Variants in UBE3C observed in about 807,000 individuals in gnomAD.
UBE3C encodes the protein ubiquitin-protein ligase E3C.
Under a neutral mutation model 129.4 loss-of-function variants are expected in UBE3C, and 42 were observed. The observed-to-expected ratio is 0.32, with a 90% CI of 0.25 to 0.42. The LOEUF (loss-of-function observed/expected upper bound fraction) is 0.42, where lower values mean the gene tolerates loss of function less well. UBE3C is among the 10% of genes least tolerant of loss of function. UBE3C has a pLI of 1.00. For missense variants in UBE3C, 1,049 were observed against 1,319.1 expected (o/e 0.80, Z 3.17); for synonymous variants, 510 against 492.4 (o/e 1.04, Z -0.47).
chr7:157,139,573 G>T (rs1055772064), intron 1 of UBE3C, among the ~76,000 whole-genome samples: 4 of 152,214 alleles, frequency 2.6e-5, no homozygotes, highest in Admixed American at 2.6e-4. Flanking sequence ...TGGGGCTTAG[G>T]ACTGGACTCG....
chr7:157,223,447 C>A, intron 16 of UBE3C, 96 bp downstream of exon 16: 1 of 1,057,946 alleles, frequency 9.5e-7, no homozygotes, highest in Non-Finnish European at 1.4e-6. Context: ...GTGCCTAGTG[C>A]CTGGCTGATT....
intron 10 of UBE3C, chr7:157,192,329 C>T: frequency 1.8e-6 from 1 of 545,050 alleles, no homozygotes; most frequent in South Asian, 1.7e-5. Context: ...GAAGGGGCTT[C>T]CTTTTCGATC....
chr7:157,215,292 G>T (rs1795524595), intron 13 of UBE3C, among the ~76,000 whole-genome samples: 1 of 151,364 alleles, frequency 6.6e-6, no homozygotes, highest in African/African-American at 2.4e-5. Context: ...CTTTTTTCTT[G>T]GGCACACAGA....
intron 1 of UBE3C, among the ~76,000 whole-genome samples, chr7:157,163,550 C>G (rs1458459649): frequency 6.6e-6 from 1 of 152,154 alleles, no homozygotes; most frequent in Non-Finnish European, 1.5e-5. Context: ...CCAGTTTTAC[C>G]TGTACTCATT....
chr7:157,265,875 T>C (rs892915407), intron 22 of UBE3C, among the ~76,000 whole-genome samples: 2 of 152,202 alleles, frequency 1.3e-5, no homozygotes, highest in African/African-American at 4.8e-5. Context: ...CATGAACACA[T>C]CTGAAAAACA....
intron 18 of UBE3C, among the ~76,000 whole-genome samples, chr7:157,240,196 G>C (rs796648831): frequency 6.6e-5 from 10 of 152,068 alleles, no homozygotes; most frequent in African/African-American, 2.4e-4. Flanking sequence ...CTGGGACTAC[G>C]GACACCCACC....
intron 2 of UBE3C, among the ~76,000 whole-genome samples, chr7:157,165,724 G>T (rs544007393): frequency 6.6e-6 from 1 of 151,978 alleles, no homozygotes; most frequent in Non-Finnish European, 1.5e-5. Flanking sequence ...CATTGACTTC[G>T]TAATTTCAGT....
At chr7:157,219,319 C>G (rs1586697872) in intron 14 of UBE3C, among the ~76,000 whole-genome samples, 1 of 152,180 alleles carries the variant, frequency 6.6e-6, no homozygotes, top group African/African-American at 2.4e-5. Flanking sequence ...GCACAAGTCC[C>G]TTATCTCATC....
chr7:157,248,291 C>T (rs964051824), intron 18 of UBE3C, 77 bp from the exon 19 acceptor site: 1 of 1,322,718 alleles, frequency 7.6e-7, no homozygotes, highest in Admixed American at 2.0e-5. Context: ...GGTTTAATAT[C>T]AAGTTGAGCA....
intron 17 of UBE3C, among the ~76,000 whole-genome samples, chr7:157,228,300 C>CA (rs1795933080): frequency 6.6e-6 from 1 of 152,214 alleles, no homozygotes; most frequent in African/African-American, 2.4e-5. Flanking sequence ...CACGCACTCC[C>CA]AGCCTGCACT....
Position 157,174,938 on chromosome 7 carries a change from TA to T in UBE3C, c.364del (p.Ile122LeufsTer23). ...TTTCAGATATGGCTGTATCAGAACT[TA>T]ATTAAACACAGCTCTCTGTTTGTCA... is the stretch of plus-strand genomic sequence containing the variant. The part of the protein sequence containing the change: ...SKRLIWLYQN[L>X]IKHSSLFVKQ... On this transcript the variant is annotated frameshift_variant, in exon 5 of 23. Transcript: ENST00000348165. LOFTEE classifies it high-confidence loss of function. 6.2e-7 allele frequency: 1 copy of T among 1,611,386 alleles called. No individual in the cohort carries two copies. Among genetic ancestry groups the T allele is most frequent in the Non-Finnish European group, 8.5e-7 (1 of 1,178,968 alleles).
At chr7:157,217,050 C>T in intron 14 of UBE3C, 79 bp downstream of exon 14, 1 of 1,160,672 alleles carries the variant, frequency 8.6e-7, no homozygotes, top group South Asian at 1.4e-5. Flanking sequence ...AAGAATTAAG[C>T]ACTTTAAAAT....
At chr7:157,161,917 C>G (rs890805051) in intron 1 of UBE3C, among the ~76,000 whole-genome samples, 1 of 151,792 alleles carries the variant, frequency 6.6e-6, no homozygotes, top group African/African-American at 2.4e-5. Flanking sequence ...ACTAAAAATA[C>G]AAGTTAGCCA....
intron 11 of UBE3C, 47 bp downstream of exon 11, chr7:157,201,854 T>C: frequency 6.7e-7 from 1 of 1,501,194 alleles, no homozygotes. Flanking sequence ...GCACAGGAAG[T>C]GGCAGCCTAA....
At chr7:157,181,755 A>G (rs1444216224) in intron 7 of UBE3C, 84 bp downstream of exon 7, 2 of 1,508,272 alleles carry the variant, frequency 1.3e-6, no homozygotes, top group African/African-American at 2.9e-5. Context: ...GTGATTTTAA[A>G]TATAGACTTG....
chr7:157,248,065 TGAG>T (rs1448255540), intron 18 of UBE3C, among the ~76,000 whole-genome samples: 1 of 152,168 alleles, frequency 6.6e-6, no homozygotes, highest in Non-Finnish European at 1.5e-5. Context: ...ATCCTTCTGT[TGAG>T]GAGGAGCATT....
Position 157,183,961 on chromosome 7 carries a change from G to A in UBE3C, c.1075G>A (p.Ala359Thr), listed in dbSNP as rs146755594. 1.7e-3 allele frequency: 2,771 copies of A among 1,614,134 alleles called. 8 individuals are homozygous for A. The highest frequency in any genetic ancestry group is 3.9e-3 in the Admixed American group (234 of 59,998). The stretch of plus-strand genomic sequence containing the variant: ...TCAGTTACCAGTCTCTCCTGCCAGC[G>A]CGAGCTGTCACGACTCAGCCAGTGA... ...LSQLPVSPAS[A>T]SCHDSASDSE... The change falls in exon 9 of 23, where the codon GCG (alanine) becomes ACG (threonine). Residue 359 changes from alanine (A) to threonine (T), a missense_variant. Coordinates refer to ENST00000348165, the MANE Select transcript of UBE3C (RefSeq NM_014671.3).
Position 157,163,985 on chromosome 7 carries a change from G to T in UBE3C, c.120+122G>T, listed in dbSNP as rs564945827. ...TTTTTATATATGACAGAATGTGTGT[G>T]TATGTGTGTTTAGCTTTAGAAACAT... On this transcript the variant is annotated intron_variant, in intron 2 of 22. Transcript: ENST00000348165. The T allele has an allele frequency of 7.9e-5, 71 of 893,960 alleles. No individual in the cohort carries two copies. In the East Asian group the frequency reaches 1.4e-3, roughly 18 times the overall value. 55.4% of individuals were successfully genotyped at this position (893,960 alleles called of 1,614,324 possible).
At chr7:157,210,714 G>T (rs886679) in intron 13 of UBE3C, among the ~76,000 whole-genome samples, 1 of 152,308 alleles carries the variant, frequency 6.6e-6, no homozygotes, top group African/African-American at 2.4e-5. Context: ...GAACGCAGAA[G>T]CGTTTAGCCC....
Sources: allele counts gnomAD v4.1 joint callset (sites outside exome capture counted in the v4.1 genomes callset), GRCh38; gene constraint gnomAD v4.1.1; transcripts MANE v1.5; gene names NCBI Gene and HGNC (gene_info 2026-07-23, HGNC 2026-07-21).